Variants in NHLRC2 observed in about 807,000 individuals in gnomAD.
NHLRC2 encodes NHL repeat containing 2, also known as NHL repeat-containing protein 2.
Under a neutral mutation model 68.1 loss-of-function variants are expected in NHLRC2, and 33 were observed. The observed-to-expected ratio is 0.48, with a 90% CI of 0.37 to 0.65. NHLRC2 has a LOEUF of 0.65. Among genes scored for constraint, NHLRC2 ranks in the 30% least tolerant of loss-of-function variants. The pLI is 0.00. For missense variants in NHLRC2, 761 were observed against 853.8 expected (o/e 0.89, Z 1.35); for synonymous variants, 311 against 309.6 (o/e 1.00, Z -0.05).
rs1378165134 is a variant in NHLRC2, at chr10:113,916,055, C to G, written c.*7519C>G. On this transcript the variant is annotated 3_prime_UTR_variant, in exon 11 of 11. Coordinates refer to ENST00000369301, the MANE Select transcript of NHLRC2 (RefSeq NM_198514.4). ...AAAAATAGACATGTTCCTCTCTGAA[C>G]ATTTAGAAGGACTCTGCCCTACAAC... 6.6e-6 allele frequency: 1 copy of G among 152,154 alleles called. No individual in the cohort carries two copies. Among genetic ancestry groups the G allele is most frequent in the Admixed American group, 6.5e-5 (1 of 15,274 alleles). The allele number at this position is 152,154 out of a possible 1,614,324, so 9.4% of individuals were successfully genotyped here. A position where few individuals can be genotyped will look rare whatever the true frequency, so the allele number is the denominator to read the frequency against.
intron 2 of NHLRC2, among the ~76,000 whole-genome samples, chr10:113,870,175 A>C (rs1284765773): frequency 1.3e-5 from 2 of 152,106 alleles, no homozygotes; most frequent in African/African-American, 4.8e-5. Context: ...TTATTCATCT[A>C]AAGTATCGTT....
At chr10:113,898,273 C>A in intron 6 of NHLRC2, 64 bp downstream of exon 6, 1 of 1,040,472 alleles carries the variant, frequency 9.6e-7, no homozygotes. Context: ...TTTCTTTTTT[C>A]AAAATCACCA....
chr10:113,861,451 A>T (rs1845815307), intron 2 of NHLRC2, among the ~76,000 whole-genome samples: 1 of 152,228 alleles, frequency 6.6e-6, no homozygotes, highest in Non-Finnish European at 1.5e-5. Flanking sequence ...AATCTTCAAT[A>T]ATCAGCTGAT....
intron 2 of NHLRC2, among the ~76,000 whole-genome samples, chr10:113,862,043 T>G (rs901671046): frequency 6.6e-6 from 1 of 152,106 alleles, no homozygotes; most frequent in African/African-American, 2.4e-5. Flanking sequence ...CAGCTACTTT[T>G]TGTATTTTTT....
At chr10:113,858,468 G>T in intron 1 of NHLRC2, 60 bp from the exon 2 acceptor site, 3 of 1,242,414 alleles carry the variant, frequency 2.4e-6, no homozygotes, top group South Asian at 1.4e-5. Flanking sequence ...TTAATGGAAA[G>T]TTTTAGGTAA....
chr10:113,909,794 A>G lies in NHLRC2; in HGVS notation c.*1258A>G, dbSNP rs551796873. 2.8e-4 allele frequency: 42 copies of G among 152,326 alleles called. No homozygotes were observed. In the South Asian group the frequency reaches 8.5e-3, roughly 31 times the overall value. 9.4% of individuals were successfully genotyped at this position (152,326 alleles called of 1,614,324 possible). A position where few individuals can be genotyped will look rare whatever the true frequency, so the allele number is the denominator to read the frequency against. On this transcript the variant is annotated 3_prime_UTR_variant, in exon 11 of 11. Coordinates refer to ENST00000369301, the MANE Select transcript of NHLRC2 (RefSeq NM_198514.4). ...TGATTTAATCAGCTTACAAGGGTTT[A>G]AAAACATCAGGTGAACCATGTTTAT...
intron 1 of NHLRC2, among the ~76,000 whole-genome samples, chr10:113,855,310 C>A (rs567904501): frequency 1.3e-5 from 2 of 152,334 alleles, no homozygotes; most frequent in South Asian, 4.1e-4. Flanking sequence ...TGATATTAGC[C>A]AAGTGGACAC....
chr10:113,887,271 C>T lies in NHLRC2; in HGVS notation c.1039+2891C>T, dbSNP rs1589543659. On this transcript the variant is annotated intron_variant, in intron 5 of 10. Coordinates refer to ENST00000369301, the MANE Select transcript of NHLRC2 (RefSeq NM_198514.4). ...ACACTGTTGGGATTGTAAATTAATA[C>T]AGACATTTTGGAAAATAGTATGGAG... Among the ~76,000 whole-genome samples the T allele has an allele frequency of 2.0e-5, 3 of 152,242 alleles. No individual in the cohort carries two copies. The East Asian group carries it at 5.8e-4, about 29-fold the overall frequency.
At chr10:113,900,548 G>A (rs1488652715) in intron 6 of NHLRC2, among the ~76,000 whole-genome samples, 1 of 152,066 alleles carries the variant, frequency 6.6e-6, no homozygotes, top group Admixed American at 6.6e-5. Context: ...CTTTATTACC[G>A]ATCTTCAGGT....
chr10:113,858,403 G>T, intron 1 of NHLRC2, 125 bp from the exon 2 acceptor site: 2 of 630,470 alleles, frequency 3.2e-6, no homozygotes, highest in Non-Finnish European at 5.6e-6. Context: ...CCTTTATATG[G>T]TGCTACTCTC....
Position 113,913,041 on chromosome 10 carries a change from A to T in NHLRC2, c.*4505A>T, listed in dbSNP as rs565206961. 1 of 152,258 alleles carries T rather than the reference A, an allele frequency of 6.6e-6. No homozygotes were observed. Among genetic ancestry groups the T allele is most frequent in the Non-Finnish European group, 1.5e-5 (1 of 68,046 alleles). 9.4% of individuals were successfully genotyped at this position (152,258 alleles called of 1,614,324 possible). A position where few individuals can be genotyped will look rare whatever the true frequency, so the allele number is the denominator to read the frequency against. The stretch of plus-strand genomic sequence containing the variant: ...TCTTTCTATTTTCCAGCACTCATCT[A>T]TTAAGTGCTTTTATGTATTAACTCA... On this transcript the variant is annotated 3_prime_UTR_variant, in exon 11 of 11. Coordinates refer to ENST00000369301, the MANE Select transcript of NHLRC2 (RefSeq NM_198514.4).
intron 5 of NHLRC2, 136 bp downstream of exon 5, chr10:113,884,516 G>T: frequency 1.8e-6 from 1 of 556,284 alleles, no homozygotes; most frequent in Non-Finnish European, 3.0e-6. Flanking sequence ...CTCAGAGTTT[G>T]TTAATTGTGT....
chr10:113,856,751 G>T (rs1268383458), intron 1 of NHLRC2, among the ~76,000 whole-genome samples: 1 of 152,142 alleles, frequency 6.6e-6, no homozygotes, highest in African/African-American at 2.4e-5. Flanking sequence ...TTTTCTCCTG[G>T]ACCCGATTAT....
In NHLRC2 at chr10:113,912,961, C is replaced by T. The variant is rs1314119971; in HGVS notation, c.*4425C>T. ...TTCTTCCATGGACACTTTCTTAAGCCTTCACATAAAATAACAAGAATAATA... is the reference window on the plus strand; with the variant it reads ...TTCTTCCATGGACACTTTCTTAAGCTTTCACATAAAATAACAAGAATAATA... On this transcript the variant is annotated 3_prime_UTR_variant, in exon 11 of 11. Transcript: ENST00000369301. 6.6e-6 allele frequency: 1 copy of T among 152,174 alleles called. No individual in the cohort carries two copies. Among genetic ancestry groups the T allele is most frequent in the African/African-American group, 2.4e-5 (1 of 41,450 alleles). 9.4% of individuals were successfully genotyped at this position (152,174 alleles called of 1,614,324 possible).
At position 113,903,628 on chromosome 10, in the gene NHLRC2, T is replaced by G. The variant is rs41292640; in HGVS notation, c.1596T>G (p.Asn532Lys). The change falls in exon 9 of 11, where the codon AAT becomes AAG. Residue 532 changes from asparagine to lysine, a missense_variant. Coordinates refer to ENST00000369301, the MANE Select transcript of NHLRC2 (RefSeq NM_198514.4). ...CCAGTTTTACAGAGTCAACTTTTAA[T>G]GAACCAGGAGGCTTGTGTATTGGAG... Reference protein sequence around the residue: ...TSSSFTESTFNEPGGLCIGEN... With the variant: ...TSSSFTESTFKEPGGLCIGEN... 133 of 1,607,526 alleles carry G rather than the reference T, an allele frequency of 8.3e-5. No individual in the cohort carries two copies. Among genetic ancestry groups the G allele is most frequent in the Non-Finnish European group, 1.1e-4 (129 of 1,174,070 alleles).
At chr10:113,893,796 C>G (rs561609276) in intron 5 of NHLRC2, among the ~76,000 whole-genome samples, 33 of 152,318 alleles carry the variant, frequency 2.2e-4, no homozygotes, top group African/African-American at 7.7e-4. Flanking sequence ...TGATCTTTCA[C>G]TCAGCTATGC....
At chr10:113,902,392 G>T in intron 7 of NHLRC2, 79 bp from the exon 8 acceptor site, 2 of 949,582 alleles carry the variant, frequency 2.1e-6, no homozygotes, top group South Asian at 1.7e-5. Flanking sequence ...GTAACTGTTT[G>T]AATTTTCCTT....
chr10:113,914,016 G>A lies in NHLRC2; in HGVS notation c.*5480G>A, dbSNP rs182600165. 6.8e-3 allele frequency: 1,024 copies of A among 151,582 alleles called. 11 individuals are homozygous for A. The highest frequency in any genetic ancestry group is 0.011 in the Non-Finnish European group (719 of 67,898). The allele number at this position is 151,582 out of a possible 1,614,324, so 9.4% of individuals were successfully genotyped here. ...ACTACTGGTGCCCACCACAATGCCC[G>A]GCTAATTTTTGTACTTTTAGTAGAA... is the stretch of plus-strand genomic sequence containing the variant. On this transcript the variant is annotated 3_prime_UTR_variant, in exon 11 of 11. Coordinates refer to ENST00000369301, the MANE Select transcript of NHLRC2 (RefSeq NM_198514.4).
intron 3 of NHLRC2, among the ~76,000 whole-genome samples, chr10:113,878,222 G>A (rs987416757): frequency 6.6e-6 from 1 of 151,906 alleles, no homozygotes; most frequent in African/African-American, 2.4e-5. Context: ...CCTTATGGGG[G>A]GGTATAGTAC....
Sources: allele counts gnomAD v4.1 joint callset (sites outside exome capture counted in the v4.1 genomes callset), GRCh38; gene constraint gnomAD v4.1.1; transcripts MANE v1.5; gene names NCBI Gene and HGNC (gene_info 2026-07-23, HGNC 2026-07-21).